The following ZNF638 variants were observed in gnomAD, a reference collection of about 807,000 sequenced individuals.
The protein encoded by ZNF638 is CTCL tumor antigen se33-1.
In ZNF638, 46 loss-of-function variants were observed where a neutral mutation model predicts 195.6. That is an observed-to-expected ratio of 0.24 (90% CI 0.19 to 0.30). The LOEUF is 0.30. Among genes scored for constraint, ZNF638 ranks in the 10% least tolerant of loss-of-function variants. The pLI is 1.00. For synonymous variants in ZNF638, 845 were observed against 772.0 expected (o/e 1.09, Z -1.57); for missense variants, 2,440 against 2,325.3 (o/e 1.05, Z -1.01).
rs887492681 is a variant in ZNF638 at position 71,434,823 on chromosome 2, G to A, written c.*16G>A. Reference sequence around the variant, plus strand: ...CTCTAGGTGATTGGGGGAAAGGAAAGAATTCACTAGAAATTTGTTTAGGGT... The same window carrying A: ...CTCTAGGTGATTGGGGGAAAGGAAAAAATTCACTAGAAATTTGTTTAGGGT... On this transcript the variant is annotated 3_prime_UTR_variant, in exon 28 of 28. Transcript: ENST00000264447. The A allele has an allele frequency of 1.9e-6, 3 of 1,578,546 alleles. No homozygotes were observed. The highest frequency in any genetic ancestry group is 2.8e-5 in the African/African-American group (2 of 72,618).
intron 25 of ZNF638, among the ~76,000 whole-genome samples, chr2:71,430,471 A>C (rs1210920798): frequency 6.6e-6 from 1 of 152,188 alleles, no homozygotes; most frequent in Admixed American, 6.5e-5. Context: ...CCCCTCAGGA[A>C]TACTAAAGAG....
At chr2:71,386,348 AT>A (rs2079639609) in intron 10 of ZNF638, among the ~76,000 whole-genome samples, 1 of 149,892 alleles carries the variant, frequency 6.7e-6, no homozygotes, top group Non-Finnish European at 1.5e-5. Context: ...GTATGTGTGT[AT>A]ATATACTTTT....
chr2:71,405,501 G>T, intron 17 of ZNF638, 100 bp from the exon 18 acceptor site: 1 of 696,778 alleles, frequency 1.4e-6, no homozygotes, highest in Non-Finnish European at 2.4e-6. Flanking sequence ...ACTTTGTAAT[G>T]CATATTTGTA....
chr2:71,365,461 C>G lies in ZNF638; in HGVS notation c.1750C>G (p.Arg584Gly). 6.2e-7 allele frequency: 1 copy of G among 1,611,318 alleles called. No individual in the cohort carries two copies. Among genetic ancestry groups the G allele is most frequent in the East Asian group, 2.2e-5 (1 of 44,820 alleles). Residue 584 changes from arginine (R) to glycine (G), a missense_variant, in exon 6 of 28, where the codon CGA becomes GGA. By Grantham distance (125) the Arg-to-Gly change is moderately radical (BLOSUM62 -2). Around this residue, in one of 5 missense-constraint regions of ZNF638, gnomAD observed 1,883 missense variants for 1,739.1 expected, o/e 1.08. Coordinates refer to ENST00000264447, the MANE Select transcript of ZNF638 (RefSeq NM_014497.5). ...AAAAGCATTAGAAGATGTAGTACAA[C>G]GATCTGGGCATGGGACAGAATTTAA... is the stretch of plus-strand genomic sequence containing the variant. Reference protein sequence around the residue: ...RKKALEDVVQRSGHGTEFNKQ... With the variant: ...RKKALEDVVQGSGHGTEFNKQ...
At chr2:71,355,338 A>C (rs1396154456) in intron 2 of ZNF638, among the ~76,000 whole-genome samples, 1 of 152,164 alleles carries the variant, frequency 6.6e-6, no homozygotes, top group Non-Finnish European at 1.5e-5. Flanking sequence ...ATGCTGTTTC[A>C]CAGATACCGT....
intron 3 of ZNF638, 64 bp downstream of exon 3, chr2:71,355,844 G>A (rs2079014576): frequency 4.2e-6 from 4 of 955,796 alleles, no homozygotes; most frequent in Non-Finnish European, 6.2e-6. Context: ...GTTCAGATGT[G>A]ACTGTTAAAT....
At chr2:71,395,123 C>G (rs1187543692) in intron 10 of ZNF638, 1 of 649,348 alleles carries the variant, frequency 1.5e-6, no homozygotes, top group African/African-American at 1.8e-5. Context: ...ATCTACATGT[C>G]CAACAAACAG....
At chr2:71,424,513 A>T in intron 22 of ZNF638, 137 bp from the exon 23 acceptor site, 1 of 678,322 alleles carries the variant, frequency 1.5e-6, no homozygotes, top group Non-Finnish European at 2.5e-6. Flanking sequence ...AGTTTTGTAT[A>T]CATGTTAAAT....
At chr2:71,395,856 G>A (rs2079882320) in intron 10 of ZNF638, 1 of 486,132 alleles carries the variant, frequency 2.1e-6, no homozygotes, top group Non-Finnish European at 3.7e-6. Context: ...TTGGAAATGG[G>A]GAATAATTCC....
At chr2:71,361,580 A>G (rs1338375148) in intron 3 of ZNF638, 2 of 152,210 alleles carry the variant, frequency 1.3e-5, no homozygotes, top group Non-Finnish European at 2.9e-5. Context: ...TTATCCATAT[A>G]TTGGGAATTG....
At chr2:71,422,735 T>G (rs1210018432) in intron 21 of ZNF638, 79 bp from the exon 22 acceptor site, 1 of 1,429,266 alleles carries the variant, frequency 7.0e-7, no homozygotes, top group Admixed American at 2.3e-5. Flanking sequence ...TTCTTTATAA[T>G]GGTTGAATTC....
At position 71,426,726 on chromosome 2, in the gene ZNF638, C is replaced by T; in HGVS notation, c.4857C>T (p.Val1619=). 2 of 1,614,098 alleles carry T rather than the reference C, an allele frequency of 1.2e-6. No individual in the cohort carries two copies. Among genetic ancestry groups the T allele is most frequent in the Non-Finnish European group, 1.7e-6 (2 of 1,180,010 alleles). ...CTGCACATCTAGCACAAGCTCTAGT[C>T]ACTGTGGATGAAGTAATTGATGAAG... is the stretch of plus-strand genomic sequence containing the variant. ...DAAAHLAQAL[V]TVDEVIDEEE... is the part of the protein sequence containing the mutation. Residue 1619 remains valine (V), a synonymous_variant, in exon 24 of 28, where the codon GTC becomes GTT. Transcript: ENST00000264447.
chr2:71,344,534 T>A (rs1333899661), intron 1 of ZNF638, among the ~76,000 whole-genome samples: 1 of 152,214 alleles, frequency 6.6e-6, no homozygotes, highest in African/African-American at 2.4e-5. Context: ...ATATCTTTGG[T>A]CAGTAATTAT....
intron 17 of ZNF638, among the ~76,000 whole-genome samples, chr2:71,404,699 A>C (rs902242868): frequency 4.6e-5 from 7 of 152,182 alleles, no homozygotes; most frequent in Non-Finnish European, 8.8e-5. Context: ...CCTGGGTGAC[A>C]GAGGGAGACC....
chr2:71,411,773 ATTTC>A, intron 20 of ZNF638, among the ~76,000 whole-genome samples: 1 of 50,136 alleles, frequency 2.0e-5, no homozygotes, highest in Admixed American at 2.5e-4. Flanking sequence ...ATGGTTTCCA[ATTTC>A]ATCCATGTCC....
intron 11 of ZNF638, among the ~76,000 whole-genome samples, chr2:71,396,874 G>C (rs2079904410): frequency 6.6e-6 from 1 of 152,160 alleles, no homozygotes; most frequent in East Asian, 1.9e-4. Context: ...TTGAACCCGG[G>C]AGGTGGAAGT....
rs1231588404 is a variant in ZNF638 at position 71,431,775 on chromosome 2, CA to C, written c.5752+352del. ...ACTCCGTCTCAAAAAAAAAAAAAAA[CA>C]AAAACACCATAATAAGTATTCTATT... On this transcript the variant is annotated intron_variant, in intron 26 of 27. Coordinates refer to ENST00000264447, the MANE Select transcript of ZNF638 (RefSeq NM_014497.5). 3.4e-5 allele frequency among the ~76,000 whole-genome samples: 5 copies of C among 146,652 alleles called. No individual in the cohort carries two copies. The South Asian group carries it at 8.8e-4, about 26-fold the overall frequency.
In ZNF638 at chr2:71,406,193, G is replaced by T; in HGVS notation, c.3066G>T (p.Gln1022His). ...ATAATTTACCGGAAGATGGACTTCA[G>T]TGTGTACTTTGTGTTGGACTTCAGT... ...HLDNLPEDGL[Q>H]CVLCVGLQFG... is the part of the protein sequence containing the mutation. The change falls in exon 19 of 28, where the codon CAG becomes CAT. Residue 1022 changes from glutamine to histidine, a missense_variant. Coordinates refer to ENST00000264447, the MANE Select transcript of ZNF638 (RefSeq NM_014497.5). 6.8e-6 allele frequency: 11 copies of T among 1,613,684 alleles called. No homozygotes were observed. Among genetic ancestry groups the T allele is most frequent in the Non-Finnish European group, 9.3e-6 (11 of 1,179,656 alleles).
At chr2:71,414,779 G>A (rs2080283051) in intron 20 of ZNF638, among the ~76,000 whole-genome samples, 1 of 118,624 alleles carries the variant, frequency 8.4e-6, no homozygotes, top group South Asian at 3.7e-4. Flanking sequence ...CCATGTAGTT[G>A]AGCGGTTTTG....
Sources: allele counts gnomAD v4.1 joint callset (sites outside exome capture counted in the v4.1 genomes callset), GRCh38; gene constraint gnomAD v4.1.1; regional missense constraint gnomAD v4.1.1; transcripts MANE v1.5; gene names NCBI Gene and HGNC (gene_info 2026-07-23, HGNC 2026-07-21).